The following FRK variants were observed in gnomAD, a reference collection of about 807,000 sequenced individuals.
FRK encodes the protein tyrosine-protein kinase FRK.
Under a neutral mutation model 56.4 loss-of-function variants are expected in FRK, and 51 were observed. The observed-to-expected ratio is 0.90, with a 90% CI of 0.72 to 1.14. The LOEUF (loss-of-function observed/expected upper bound fraction) is 1.14, where lower values mean the gene tolerates loss of function less well. FRK is among the 50% of genes most tolerant of loss of function. The pLI is 0.00. For missense variants in FRK, 570 were observed against 601.4 expected, an observed-to-expected ratio of 0.95 and a Z score of 0.55; for synonymous variants, 245 against 217.9, an observed-to-expected ratio of 1.12 and a Z score of -1.10.
At chr6:115,952,935 G>C (rs901289614) in intron 5 of FRK, among the ~76,000 whole-genome samples, 1 of 106,416 alleles carries the variant, frequency 9.4e-6, no homozygotes, top group African/African-American at 3.5e-5. Context: ...GGTGGGGGGA[G>C]GGGGGAGGGA....
rs761567620 is a variant in FRK, at chr6:115,942,553, T to C, written c.1379A>G (p.Gln460Arg). 1.9e-6 allele frequency: 3 copies of C among 1,613,750 alleles called. No individual in the cohort carries two copies. The highest frequency in any genetic ancestry group is 2.2e-5 in the East Asian group (1 of 44,880). The stretch of plus-strand genomic sequence containing the variant: ...CTCCAACATGATGTTGTAAAATTGC[T>C]GTGGACAGTTGGATGGTTGCGGAAG... Reference protein sequence around the residue: ...YRLPQPSNCPQQFYNIMLECW... With the variant: ...YRLPQPSNCPRQFYNIMLECW... The change falls in exon 8 of 8, where the codon CAG (glutamine) becomes CGG (arginine). Residue 460 changes from glutamine (Q) to arginine (R), a missense_variant. By Grantham distance (43) the Gln-to-Arg change is conservative. Coordinates refer to ENST00000606080, the MANE Select transcript of FRK (RefSeq NM_002031.3).
rs765878107 is a variant in FRK at position 115,944,380 on chromosome 6, G to A, written c.1004C>T (p.Ala335Val). 113 of 1,611,990 alleles carry A rather than the reference G, an allele frequency of 7.0e-5. No homozygotes were observed. Among genetic ancestry groups the A allele is most frequent in the Non-Finnish European group, 8.6e-5 (101 of 1,179,310 alleles). Residue 335 changes from alanine to valine, a missense_variant, in exon 6 of 8, where the codon GCG (alanine) becomes GTG (valine). Coordinates refer to ENST00000606080, the MANE Select transcript of FRK (RefSeq NM_002031.3). ...GGCCATTCCAGAGGCAACCTGTGCC[G>A]CCATGTCTACCTGTTGAGTCAGATG... is the stretch of plus-strand genomic sequence containing the variant. ...KIHLTQQVDM[A>V]AQVASGMAYL...
At chr6:115,949,758 A>T (rs146204541) in intron 5 of FRK, among the ~76,000 whole-genome samples, 1,687 of 152,328 alleles carry the variant, frequency 0.011, 31 homozygotes, top group African/African-American at 0.039. Flanking sequence ...AGCTGGAGGC[A>T]TCATGCTACC....
intron 1 of FRK, among the ~76,000 whole-genome samples, chr6:116,041,054 T>C (rs1776689381): frequency 6.6e-6 from 1 of 152,174 alleles, no homozygotes; most frequent in Non-Finnish European, 1.5e-5. Flanking sequence ...GTAATAATTT[T>C]GTTTTCTATC....
intron 1 of FRK, among the ~76,000 whole-genome samples, chr6:116,020,537 A>C (rs999355926): frequency 6.6e-6 from 1 of 152,012 alleles, no homozygotes; most frequent in Non-Finnish European, 1.5e-5. Flanking sequence ...TGATCCACCC[A>C]CCTCAGCTTC....
the FRK span, among the ~76,000 whole-genome samples, chr6:116,088,362 C>A: frequency 4.3e-3 from 652 of 152,250 alleles, 7 homozygotes; most frequent in African/African-American, 0.015. Context: ...TACCTCAGTG[C>A]ACAATGGTAT....
intron 2 of FRK, among the ~76,000 whole-genome samples, chr6:115,981,407 A>G (rs1028187825): frequency 1.3e-5 from 2 of 152,180 alleles, no homozygotes; most frequent in African/African-American, 4.8e-5. Flanking sequence ...AAGTCTAGCC[A>G]TATGAGTGAT....
intron 1 of FRK, among the ~76,000 whole-genome samples, chr6:116,005,080 A>G (rs945240276): frequency 2.0e-5 from 3 of 152,212 alleles, no homozygotes; most frequent in Non-Finnish European, 4.4e-5. Flanking sequence ...TGCCCTAACA[A>G]TGACACAATT....
At position 115,939,574 on chromosome 6, in the gene FRK, A is replaced by T. The variant is rs560538365; in HGVS notation, c.*2840T>A. 6 of 152,288 alleles carry T rather than the reference A, an allele frequency of 3.9e-5. No individual in the cohort carries two copies. The highest frequency in any genetic ancestry group is 1.2e-4 in the African/African-American group (5 of 41,562). The allele number at this position is 152,288 out of a possible 1,614,324, so 9.4% of individuals were successfully genotyped here. A position where few individuals can be genotyped will look rare whatever the true frequency, so the allele number is the denominator to read the frequency against. Reference sequence around the variant, plus strand: ...TTTGCAGATGATATGAATTGTATATATAGGGAACCCCACCATCTCAGCCCA... The same window carrying T: ...TTTGCAGATGATATGAATTGTATATTTAGGGAACCCCACCATCTCAGCCCA... On this transcript the variant is annotated 3_prime_UTR_variant, in exon 8 of 8. Transcript: ENST00000606080.
chr6:115,984,092 T>C (rs375869484), intron 2 of FRK, among the ~76,000 whole-genome samples: 1 of 152,132 alleles, frequency 6.6e-6, no homozygotes, highest in African/African-American at 2.4e-5. Flanking sequence ...ATCTCCTCCT[T>C]TATGAAACCG....
At position 115,956,572 on chromosome 6, in the gene FRK, T is replaced by C. The variant is rs748333424; in HGVS notation, c.838A>G (p.Ile280Val). ...TTTGGATGTCTTAGGTTCTTCATTA[T>C]CTGTGCCTCCCTCAGGAAGTCATTT... ...DPNDFLREAQ[I>V]MKNLRHPKLI... The change falls in exon 5 of 8, where the codon ATA (isoleucine) becomes GTA (valine). Residue 280 changes from isoleucine to valine, a missense_variant. Transcript: ENST00000606080. 10 of 1,589,342 alleles carry C rather than the reference T, an allele frequency of 6.3e-6. 1 individual carries two copies. In the South Asian group the frequency reaches 1.2e-4, roughly 19 times the overall value.
intron 1 of FRK, among the ~76,000 whole-genome samples, chr6:116,021,538 T>C (rs1185538648): frequency 6.6e-6 from 1 of 152,124 alleles, no homozygotes; most frequent in East Asian, 1.9e-4. Flanking sequence ...GGAGTTTGAC[T>C]TGACAAGCAG....
At chr6:115,990,026 C>A (rs1372416197) in intron 2 of FRK, among the ~76,000 whole-genome samples, 1 of 151,854 alleles carries the variant, frequency 6.6e-6, no homozygotes, top group African/African-American at 2.4e-5. Context: ...ATTTTCACTT[C>A]TCTGAGGATT....
intron 1 of FRK, among the ~76,000 whole-genome samples, chr6:116,021,565 G>A (rs1409892917): frequency 6.6e-6 from 1 of 152,026 alleles, no homozygotes; most frequent in African/African-American, 2.4e-5. Flanking sequence ...AGGATTTTCT[G>A]CCTTATGATT....
chr6:115,958,692 GAAAGAAAGAAA>G (rs1773146025), intron 4 of FRK, among the ~76,000 whole-genome samples: 2 of 15,076 alleles, frequency 1.3e-4, no homozygotes, highest in Non-Finnish European at 2.6e-4. Context: ...AAGAAAGAAA[GAAAGAAAGAAA>G]GAAGAAAGAA....
chr6:115,982,936 G>A (rs1218234161), intron 2 of FRK, among the ~76,000 whole-genome samples: 2 of 151,866 alleles, frequency 1.3e-5, no homozygotes, highest in Non-Finnish European at 2.9e-5. Context: ...GCCAGGCATG[G>A]TGGCACACAC....
At chr6:116,002,814 C>T (rs930444162) in intron 2 of FRK, 2 of 423,522 alleles carry the variant, frequency 4.7e-6, no homozygotes, top group African/African-American at 4.0e-5. Flanking sequence ...AAACCACTGC[C>T]CTTGCTTCTC....
At chr6:115,975,136 A>T (rs2114620804) in intron 2 of FRK, among the ~76,000 whole-genome samples, 1 of 152,314 alleles carries the variant, frequency 6.6e-6, no homozygotes, top group South Asian at 2.1e-4. Context: ...ATCTTATTTT[A>T]AAATGGCAAA....
At chr6:116,013,172 G>C (rs1775533569) in intron 1 of FRK, among the ~76,000 whole-genome samples, 1 of 152,026 alleles carries the variant, frequency 6.6e-6, no homozygotes, top group Non-Finnish European at 1.5e-5. Flanking sequence ...TTCTTCACTG[G>C]GGGAGGTGAC....
Sources: gnomAD v4.1 joint callset for allele counts (sites outside exome capture counted in the v4.1 genomes callset) on GRCh38, gnomAD v4.1.1 for gene constraint, MANE v1.5 for transcripts, NCBI Gene and HGNC (gene_info 2026-07-23, HGNC 2026-07-21) for gene names.